The following BMPR1B variants were observed in gnomAD, a reference collection of about 807,000 sequenced individuals.
The protein encoded by BMPR1B is bone morphogenetic protein receptor type 1B.
Under a neutral mutation model 59.1 loss-of-function variants are expected in BMPR1B, and 12 were observed. The observed-to-expected ratio is 0.20, with a 90% confidence interval of 0.13 to 0.33. The LOEUF (loss-of-function observed/expected upper bound fraction) is 0.33. Ranked by LOEUF, BMPR1B falls within the 10% of genes least tolerant of loss-of-function variation. The pLI is 1.00. For synonymous variants in BMPR1B, 237 were observed against 207.3 expected, an observed-to-expected ratio of 1.14 and a Z score of -1.23; for missense variants, 550 against 610.9, an observed-to-expected ratio of 0.90 and a Z score of 1.05.
chr4:94,824,544 G>A (rs750916448), intron 1 of BMPR1B, among the ~76,000 whole-genome samples: 1 of 152,020 alleles, frequency 6.6e-6, no homozygotes, highest in Non-Finnish European at 1.5e-5. Context: ...AAACATTCTG[G>A]TTATTTTCTA....
At position 94,839,385 on chromosome 4, in the gene BMPR1B, G is replaced by C. The variant is rs1385586923; in HGVS notation, c.-182-36446G>C. On this transcript the variant is annotated intron_variant, in intron 1 of 12. Transcript: ENST00000515059. ...TGTTAAAATCTCCCATTATTAATGT[G>C]TGGGGGTCTAAGTCTCTTTGTAGGT... Among the ~76,000 whole-genome samples the C allele has an allele frequency of 1.9e-3, 281 of 145,476 alleles. 1 individual carries two copies. Among genetic ancestry groups the C allele is most frequent in the Middle Eastern group, 7.2e-3 (2 of 276 alleles).
intron 6 of BMPR1B, among the ~76,000 whole-genome samples, chr4:95,116,414 A>AGCGCGCGCGCGCGCGC (rs746066664): frequency 1.3e-5 from 1 of 74,204 alleles, no homozygotes; most frequent in African/African-American, 4.3e-5. Context: ...CCATGCTTTC[A>AGCGCGCGCGCGCGCGC]GCGCGCGCAC....
At chr4:94,767,105 C>T (rs749722559) in intron 1 of BMPR1B, among the ~76,000 whole-genome samples, 28 of 152,054 alleles carry the variant, frequency 1.8e-4, no homozygotes, top group Admixed American at 9.8e-4. Flanking sequence ...GAAGAACCCA[C>T]GACCAGGCTG....
At chr4:95,103,630 ATTAT>A (rs1032962302) in intron 3 of BMPR1B, 4 of 379,402 alleles carry the variant, frequency 1.1e-5, no homozygotes, top group African/African-American at 8.8e-5. Flanking sequence ...GAGTCACAAG[ATTAT>A]TTATAAAGTT....
At chr4:94,792,020 A>G (rs1015967094) in intron 1 of BMPR1B, among the ~76,000 whole-genome samples, 1 of 152,218 alleles carries the variant, frequency 6.6e-6, no homozygotes, top group African/African-American at 2.4e-5. Context: ...AAAGATGTAT[A>G]AATGCTTAAG....
intron 4 of BMPR1B, among the ~76,000 whole-genome samples, chr4:95,108,482 A>G (rs760384678): frequency 2.6e-5 from 4 of 152,054 alleles, no homozygotes; most frequent in Non-Finnish European, 5.9e-5. Context: ...GGCAAGAGTG[A>G]ATAGTACTTA....
At chr4:95,059,726 C>T (rs1036854551) in intron 3 of BMPR1B, among the ~76,000 whole-genome samples, 16 of 152,028 alleles carry the variant, frequency 1.1e-4, no homozygotes, top group Admixed American at 3.3e-4. Flanking sequence ...TTCTTATGCT[C>T]AATTTAATCT....
At chr4:94,970,809 A>G (rs1730764609) in intron 2 of BMPR1B, among the ~76,000 whole-genome samples, 1 of 152,154 alleles carries the variant, frequency 6.6e-6, no homozygotes, top group Non-Finnish European at 1.5e-5. Flanking sequence ...CTTCTCTTCC[A>G]GCTATTATGA....
At chr4:95,127,749 T>A (rs1733010485) in intron 8 of BMPR1B, among the ~76,000 whole-genome samples, 1 of 152,170 alleles carries the variant, frequency 6.6e-6, no homozygotes, top group African/African-American at 2.4e-5. Flanking sequence ...TAAACTTGCT[T>A]GCTTATTTCC....
chr4:94,813,421 G>T (rs1723896152), intron 1 of BMPR1B, among the ~76,000 whole-genome samples: 1 of 152,182 alleles, frequency 6.6e-6, no homozygotes, highest in Non-Finnish European at 1.5e-5. Flanking sequence ...AACAGCAGGT[G>T]CCAGGACTTA....
chr4:94,946,345 A>G (rs1422452007), intron 2 of BMPR1B, among the ~76,000 whole-genome samples: 1 of 152,228 alleles, frequency 6.6e-6, no homozygotes, highest in Non-Finnish European at 1.5e-5. Context: ...TAGCTTTACA[A>G]AAATATCAAA....
intron 6 of BMPR1B, among the ~76,000 whole-genome samples, chr4:95,120,921 G>A (rs868806502): frequency 6.6e-6 from 1 of 151,928 alleles, no homozygotes; most frequent in Non-Finnish European, 1.5e-5. Flanking sequence ...CAATTCTCCC[G>A]ACTCAGCCTC....
At chr4:95,122,901 AGGTAAATG>A (rs1732632149) in intron 6 of BMPR1B, among the ~76,000 whole-genome samples, 1 of 152,148 alleles carries the variant, frequency 6.6e-6, no homozygotes, top group Non-Finnish European at 1.5e-5. Flanking sequence ...ACTCTCTCAA[AGGTAAATG>A]GTGCCTTTAA....
At chr4:94,777,154 A>G (rs1261399813) in intron 1 of BMPR1B, among the ~76,000 whole-genome samples, 1 of 152,130 alleles carries the variant, frequency 6.6e-6, no homozygotes, top group African/African-American at 2.4e-5. Flanking sequence ...ATGTATCACC[A>G]GTTGCTTTCC....
In BMPR1B at chr4:94,842,055, G is replaced by GT. The variant is rs1212985878; in HGVS notation, c.-182-33775dup. The stretch of plus-strand genomic sequence containing the variant: ...TGATACACTCAGGAGTTCCGTTACA[G>GT]TACAGATGGGAAGGGAGAGTGCACA... On this transcript the variant is annotated intron_variant, in intron 1 of 12. Transcript: ENST00000515059. Among the ~76,000 whole-genome samples, 3 of 152,140 alleles carry GT rather than the reference G, an allele frequency of 2.0e-5. No homozygotes were observed. The South Asian group carries it at 6.2e-4, about 32-fold the overall frequency.
chr4:94,951,870 G>A lies in BMPR1B; in HGVS notation c.-112-44170G>A, dbSNP rs889346958. Among the ~76,000 whole-genome samples the A allele has an allele frequency of 5.6e-5, 8 of 143,782 alleles. 1 individual carries two copies. Among genetic ancestry groups the A allele is most frequent in the Admixed American group, 4.7e-4 (7 of 14,990 alleles). 94.3% of individuals were successfully genotyped at this position (143,782 alleles called of 152,430 possible). On this transcript the variant is annotated intron_variant, in intron 2 of 12. Transcript: ENST00000515059. ...TTTTTACCTCTGGAAGAATTTGGCT[G>A]TGAATTCGTCTGGTCCTGGGCTTTT...
intron 2 of BMPR1B, among the ~76,000 whole-genome samples, chr4:94,887,416 A>AC (rs1365302363): frequency 6.7e-6 from 1 of 149,946 alleles, no homozygotes; most frequent in Non-Finnish European, 1.5e-5. Flanking sequence ...AAAAAAAAAA[A>AC]AAAAAAACAA....
chr4:94,863,864 A>T (rs192520792), intron 1 of BMPR1B, among the ~76,000 whole-genome samples: 1 of 152,224 alleles, frequency 6.6e-6, no homozygotes, highest in Non-Finnish European at 1.5e-5. Context: ...AATAAGCACA[A>T]CATCTTCTAA....
At chr4:94,763,164 A>G (rs1286194648) in intron 1 of BMPR1B, among the ~76,000 whole-genome samples, 2 of 152,140 alleles carry the variant, frequency 1.3e-5, no homozygotes, top group African/African-American at 4.8e-5. Flanking sequence ...TTGAATGAGC[A>G]TCTCTTCATT....
Sources: allele counts gnomAD v4.1 joint callset (sites outside exome capture counted in the v4.1 genomes callset), GRCh38; gene constraint gnomAD v4.1.1; transcripts MANE v1.5; gene names NCBI Gene and HGNC (gene_info 2026-07-23, HGNC 2026-07-21).